SPI1: variants seen among roughly 807,000 people sequenced by gnomAD.
SPI1 encodes Spi-1 proto-oncogene.
In SPI1, 3 loss-of-function variants were observed where a neutral mutation model predicts 30.7. That is an observed-to-expected ratio of 0.10 (90% CI 0.04 to 0.25). The LOEUF is 0.25. SPI1 is among the 10% of genes least tolerant of loss of function. SPI1 has a pLI of 1.00. For synonymous variants in SPI1, 169 were observed against 157.1 expected (o/e 1.08, Z -0.56); for missense variants, 261 against 371.5 (o/e 0.70, Z 2.45).
intron 2 of SPI1, among the ~76,000 whole-genome samples, chr11:47,369,854 A>G (rs1469599858): frequency 6.6e-6 from 1 of 152,242 alleles, no homozygotes. Flanking sequence ...CTTTCTTAGG[A>G]GACGACCATG....
chr11:47,354,895 AGG>A lies in SPI1; in HGVS notation c.*330_*331del, dbSNP rs2095905598. The A allele has an allele frequency of 8.4e-6, 2 of 236,816 alleles. No homozygotes were observed. 14.7% of individuals were successfully genotyped at this position (236,816 alleles called of 1,614,324 possible). On this transcript the variant is annotated 3_prime_UTR_variant, in exon 5 of 5. Coordinates refer to ENST00000378538, the MANE Select transcript of SPI1 (RefSeq NM_003120.3). ...ATAACTTTACTTGTTTTTTGGGAGG[AGG>A]TTAATGGGTGGGAGGGGTGAGAGGG... is the stretch of plus-strand genomic sequence containing the variant.
At chr11:47,378,247 G>GGGCA in intron 1 of SPI1, 62 bp downstream of exon 1, 6 of 1,556,308 alleles carry the variant, frequency 3.9e-6, no homozygotes, top group Admixed American at 1.7e-5. Flanking sequence ...GCGGGTTCGT[G>GGGCA]GGCAGGCAGG....
chr11:47,357,821 C>T lies in SPI1; in HGVS notation c.493+1023G>A, dbSNP rs2095913880. 2.0e-5 allele frequency among the ~76,000 whole-genome samples: 3 copies of T among 152,194 alleles called. No individual in the cohort carries two copies. The South Asian group carries it at 6.2e-4, about 31-fold the overall frequency. On this transcript the variant is annotated intron_variant, in intron 4 of 4. Transcript: ENST00000378538. The stretch of plus-strand genomic sequence containing the variant: ...CCTCAGGTGATCCGCCTGCCTCAGC[C>T]TCCCAAAGTGCTGGGATACAGGCGT...
intron 2 of SPI1, among the ~76,000 whole-genome samples, chr11:47,365,298 A>T (rs2142889721): frequency 6.6e-6 from 1 of 152,276 alleles, no homozygotes; most frequent in Non-Finnish European, 1.5e-5. Flanking sequence ...TTTGCATAAC[A>T]TCTGGACATG....
At chr11:47,358,212 TCA>T (rs1407331617) in intron 4 of SPI1, 1 of 291,782 alleles carries the variant, frequency 3.4e-6, no homozygotes, top group Non-Finnish European at 6.7e-6. Context: ...CACACTTATA[TCA>T]CACACATCCC....
intron 2 of SPI1, among the ~76,000 whole-genome samples, chr11:47,368,766 A>T (rs188031159): frequency 6.6e-6 from 1 of 152,106 alleles, no homozygotes; most frequent in Admixed American, 6.6e-5. Context: ...GGCTGGGGGG[A>T]GGGAAAATGA....
At chr11:47,364,205 A>G (rs1173871510) in intron 2 of SPI1, among the ~76,000 whole-genome samples, 1 of 151,430 alleles carries the variant, frequency 6.6e-6, no homozygotes, top group Non-Finnish European at 1.5e-5. Flanking sequence ...GCCTGCCACC[A>G]CGCCCGGCTA....
chr11:47,378,296 T>A lies in SPI1; in HGVS notation c.45+13A>T, dbSNP rs200247211. ...GCCACGGGTTGGGCTGGTGGAGGAG[T>A]CCCGGTACTCACAGGGGGGACGAGG... On this transcript the variant is annotated intron_variant, in intron 1 of 4. Transcript: ENST00000378538. 338 of 1,612,572 alleles carry A rather than the reference T, an allele frequency of 2.1e-4. 1 individual carries two copies. The highest frequency in any genetic ancestry group is 2.6e-4 in the Non-Finnish European group (301 of 1,179,424).
intron 4 of SPI1, among the ~76,000 whole-genome samples, chr11:47,357,040 C>T (rs1415422148): frequency 1.3e-5 from 2 of 151,636 alleles, no homozygotes; most frequent in Non-Finnish European, 2.9e-5. Flanking sequence ...CTCACACACA[C>T]TTATGCTTAC....
At chr11:47,360,397 T>A (rs2095918931) in intron 2 of SPI1, among the ~76,000 whole-genome samples, 1 of 152,150 alleles carries the variant, frequency 6.6e-6, no homozygotes, top group Non-Finnish European at 1.5e-5. Context: ...ATATGTGGCC[T>A]CTCTAACCTC....
intron 4 of SPI1, among the ~76,000 whole-genome samples, chr11:47,357,903 C>G (rs370728046): frequency 4.6e-5 from 7 of 152,160 alleles, no homozygotes; most frequent in South Asian, 2.1e-4. Context: ...CATTCACACA[C>G]CTGCTTTCAC....
At chr11:47,356,918 A>G (rs1022194018) in intron 4 of SPI1, among the ~76,000 whole-genome samples, 3 of 137,122 alleles carry the variant, frequency 2.2e-5, no homozygotes, top group Non-Finnish European at 3.3e-5. Flanking sequence ...ACTTGTGCTC[A>G]CACACCTCAC....
chr11:47,362,638 C>T (rs141442768), intron 2 of SPI1, among the ~76,000 whole-genome samples: 5,022 of 144,322 alleles, frequency 0.035, 188 homozygotes, highest in South Asian at 0.19. Context: ...TGCAGTGGCA[C>T]GATATCGGCT....
intron 2 of SPI1, among the ~76,000 whole-genome samples, chr11:47,373,915 A>T (rs1267587877): frequency 1.3e-5 from 2 of 152,250 alleles, no homozygotes; most frequent in Admixed American, 1.3e-4. Flanking sequence ...CCCCAGGCTC[A>T]CTGGTTTCCA....
At chr11:47,361,599 G>T (rs2095920855) in intron 2 of SPI1, among the ~76,000 whole-genome samples, 1 of 152,126 alleles carries the variant, frequency 6.6e-6, no homozygotes, top group South Asian at 2.1e-4. Context: ...GACAAGATCG[G>T]CTGTCTCATG....
rs905472564 is a variant in SPI1 at position 47,359,320 on chromosome 11, A to G, written c.331-314T>C. On this transcript the variant is annotated intron_variant, in intron 3 of 4. Coordinates refer to ENST00000378538, the MANE Select transcript of SPI1 (RefSeq NM_003120.3). The surrounding 1 kb of genome is among the most constrained non-coding windows in gnomAD (Gnocchi z 5.1). ...CTGCAGCGGTGCTGTGTGGACCCGC[A>G]TTAGGCTGGGGTCAGAAGAGGGCAT... is the stretch of plus-strand genomic sequence containing the variant. Among the ~76,000 whole-genome samples, 3 of 152,070 alleles carry G rather than the reference A, an allele frequency of 2.0e-5. No individual in the cohort carries two copies. The highest frequency in any genetic ancestry group is 4.8e-5 in the African/African-American group (2 of 41,408).
intron 4 of SPI1, chr11:47,358,434 TGACA>T (rs746483499): frequency 1.7e-5 from 11 of 634,252 alleles, no homozygotes; most frequent in African/African-American, 5.4e-5. Flanking sequence ...ATTCATGTGT[TGACA>T]GACACACAAA....
chr11:47,355,096 T>TGAGGC lies in SPI1; in HGVS notation c.*126_*130dup. On this transcript the variant is annotated 3_prime_UTR_variant, in exon 5 of 5. Coordinates refer to ENST00000378538, the MANE Select transcript of SPI1 (RefSeq NM_003120.3). ...GCCTGGAGTGGGGGGAGGGGGCGGGTGAGGCGAGGCCCGGCCCGCCACAGT... is the reference window on the plus strand; with the variant it reads ...GCCTGGAGTGGGGGGAGGGGGCGGGTGAGGCGAGGCGAGGCCCGGCCCGCCACAGT... The TGAGGC allele has an allele frequency of 1.9e-6, 1 of 537,602 alleles. No individual in the cohort carries two copies. 33.3% of individuals were successfully genotyped at this position (537,602 alleles called of 1,614,324 possible).
intron 1 of SPI1, among the ~76,000 whole-genome samples, chr11:47,376,256 CTTGA>C (rs1259143548): frequency 6.6e-6 from 1 of 152,040 alleles, no homozygotes; most frequent in African/African-American, 2.4e-5. Flanking sequence ...GCAGAGTCTC[CTTGA>C]TTGACACTCA....
Sources: gnomAD v4.1 joint callset for allele counts (sites outside exome capture counted in the v4.1 genomes callset) on GRCh38, gnomAD v4.1.1 for gene constraint, Gnocchi (gnomAD v3.1) non-coding constraint, MANE v1.5 for transcripts, NCBI Gene and HGNC (gene_info 2026-07-23, HGNC 2026-07-21) for gene names.